The following NBEAL1 variants were observed in gnomAD, a reference collection of about 807,000 sequenced individuals.
The protein encoded by NBEAL1 is neurobeachin like 1, also known as neurobeachin-like protein 1.
A neutral mutation model predicts 351.3 loss-of-function variants in NBEAL1; 273 were observed. The ratio of observed to expected loss-of-function variants is 0.78; its 90% CI spans 0.70 to 0.86. The LOEUF (loss-of-function observed/expected upper bound fraction) is 0.86, where lower values mean the gene tolerates loss of function less well. Among genes scored for constraint, NBEAL1 ranks in the 40% least tolerant of loss-of-function variants. The probability of loss-of-function intolerance (pLI) is 0.00; values close to 1 mark genes in which losing one functional copy is unlikely to be tolerated. For synonymous variants in NBEAL1, 1,050 were observed against 1,086.4 expected, an observed-to-expected ratio of 0.97 and a Z score of 0.66; for missense variants, 2,961 against 3,201.3, an observed-to-expected ratio of 0.92 and a Z score of 1.81.
chr2:203,179,871 T>C (rs1041373629), intron 42 of NBEAL1, among the ~76,000 whole-genome samples: 1 of 152,040 alleles, frequency 6.6e-6, no homozygotes, highest in Non-Finnish European at 1.5e-5. Flanking sequence ...CCTCCCGGGC[T>C]CAAGCAGTTC....
intron 49 of NBEAL1, 129 bp from the exon 50 acceptor site, chr2:203,201,414 A>T: frequency 3.1e-6 from 2 of 639,524 alleles, no homozygotes; most frequent in Non-Finnish European, 4.8e-6. Context: ...ATCGTTTATT[A>T]ATAGACATTT....
intron 18 of NBEAL1, among the ~76,000 whole-genome samples, chr2:203,118,529 A>G (rs931618678): frequency 2.6e-5 from 4 of 152,180 alleles, no homozygotes; most frequent in Non-Finnish European, 4.4e-5. Flanking sequence ...ATAGATAGCT[A>G]AGAAATAATT....
chr2:203,206,063 AAG>A (rs1349528783), intron 51 of NBEAL1, among the ~76,000 whole-genome samples: 2 of 152,254 alleles, frequency 1.3e-5, no homozygotes, highest in Non-Finnish European at 2.9e-5. Context: ...GACATGAAGA[AAG>A]AGTCTTCTGG....
chr2:203,167,163 A>G, intron 37 of NBEAL1, 64 bp from the exon 38 acceptor site: 23 of 1,474,612 alleles, frequency 1.6e-5, no homozygotes, highest in Non-Finnish European at 2.0e-5. Flanking sequence ...ACTAAGAGGT[A>G]TTTTCTACTT....
chr2:203,202,692 G>A lies in NBEAL1; in HGVS notation c.7417G>A (p.Val2473Met). The A allele has an allele frequency of 6.4e-7, 1 of 1,572,170 alleles. No homozygotes were observed. The highest frequency in any genetic ancestry group is 8.8e-7 in the Non-Finnish European group (1 of 1,142,656). The change falls in exon 51 of 56, where the codon GTG (valine) becomes ATG (methionine). Residue 2473 changes from valine (V) to methionine (M), a missense_variant. Physicochemically the swap from Val to Met is conservative, Grantham distance 21. Coordinates refer to ENST00000683969, the MANE Select transcript of NBEAL1 (RefSeq NM_001378026.1). ...TTTAATTCCTTTTCTTACAGATATT[G>A]TGACTTGCTTAGCTACAGATTACTG... ...ISHIIRHMDI[V>M]TCLATDYCGI...
chr2:203,041,556 T>C (rs1426458369), intron 2 of NBEAL1, among the ~76,000 whole-genome samples: 1 of 152,188 alleles, frequency 6.6e-6, no homozygotes, highest in Non-Finnish European at 1.5e-5. Flanking sequence ...TATAGAACAT[T>C]GTTAAGATTT....
At chr2:203,040,404 G>A in intron 2 of NBEAL1, 1 of 712,192 alleles carries the variant, frequency 1.4e-6, no homozygotes. Context: ...TTAATGGCAT[G>A]AGTTTACCGG....
chr2:203,130,783 T>C (rs912191172), intron 25 of NBEAL1, among the ~76,000 whole-genome samples: 4 of 152,180 alleles, frequency 2.6e-5, no homozygotes, highest in Non-Finnish European at 5.9e-5. Flanking sequence ...CTAATAATAA[T>C]AGCAAACTTT....
At chr2:203,119,651 C>T (rs529200808) in intron 18 of NBEAL1, among the ~76,000 whole-genome samples, 1 of 152,118 alleles carries the variant, frequency 6.6e-6, no homozygotes, top group Admixed American at 6.5e-5. Flanking sequence ...GTCTCGAACT[C>T]CTGACCTCAA....
intron 4 of NBEAL1, chr2:203,050,249 GAAA>G (rs1215404965): frequency 4.8e-6 from 1 of 210,250 alleles, no homozygotes; most frequent in Non-Finnish European, 9.4e-6. Flanking sequence ...AAGAAAAAAA[GAAA>G]AAATAAGCTA....
rs559011873 is a variant in NBEAL1, at chr2:203,126,505, A to G, written c.2986-52A>G. 12 of 1,249,904 alleles carry G rather than the reference A, an allele frequency of 9.6e-6. No individual in the cohort carries two copies. The East Asian group carries it at 3.1e-4, about 32-fold the overall frequency. The allele number at this position is 1,249,904 out of a possible 1,614,324, so 77.4% of individuals were successfully genotyped here. A position where few individuals can be genotyped will look rare whatever the true frequency, so the allele number is the denominator to read the frequency against. ...ATTAATGATTTAAAATTATAACTTA[A>G]TGACAGTTATTTAAACTGAACTATA... is the stretch of plus-strand genomic sequence containing the variant. On this transcript the variant is annotated intron_variant, in intron 21 of 55. Transcript: ENST00000683969.
At chr2:203,118,173 C>A (rs2062742610) in intron 18 of NBEAL1, among the ~76,000 whole-genome samples, 1 of 152,180 alleles carries the variant, frequency 6.6e-6, no homozygotes, top group Non-Finnish European at 1.5e-5. Context: ...TACTTGCTGA[C>A]TTTTGTCTCA....
At chr2:203,091,943 T>G (rs2062072962) in intron 10 of NBEAL1, among the ~76,000 whole-genome samples, 1 of 152,220 alleles carries the variant, frequency 6.6e-6, no homozygotes, top group Non-Finnish European at 1.5e-5. Context: ...TATTTTCATG[T>G]GCCATAATTT....
chr2:203,169,405 A>C (rs1282269275), intron 38 of NBEAL1, among the ~76,000 whole-genome samples: 1 of 150,792 alleles, frequency 6.6e-6, no homozygotes, highest in Middle Eastern at 3.4e-3. Flanking sequence ...AAAAAAAAAA[A>C]AAAAAACCAC....
intron 55 of NBEAL1, among the ~76,000 whole-genome samples, chr2:203,214,411 T>A (rs1424068483): frequency 1.3e-5 from 2 of 152,240 alleles, no homozygotes; most frequent in African/African-American, 2.4e-5. Context: ...TTTATAAATA[T>A]TTGAAACTTC....
chr2:203,107,773 A>G lies in NBEAL1; in HGVS notation c.1534A>G (p.Thr512Ala), dbSNP rs370835026. Residue 512 changes from threonine to alanine, a missense_variant, in exon 14 of 56, where the codon ACT (threonine) becomes GCT (alanine). Physicochemically the swap from Thr to Ala is moderately conservative, Grantham distance 58. Transcript: ENST00000683969. ...TTGTATTAATAGACAGAGTCGAACT[A>G]CTTGTGTCAATGCAAACATGGGGAT... ...ICCINRQSRT[T>A]CVNANMGIRI... The G allele has an allele frequency of 1.7e-4, 271 of 1,554,336 alleles. No individual in the cohort carries two copies. The African/African-American group carries it at 3.5e-3, about 20-fold the overall frequency.
intron 6 of NBEAL1, among the ~76,000 whole-genome samples, chr2:203,059,744 T>C (rs2061465799): frequency 6.6e-6 from 1 of 152,208 alleles, no homozygotes; most frequent in Non-Finnish European, 1.5e-5. Context: ...GGGAGCCGGA[T>C]GTGATGGCTC....
At position 203,199,443 on chromosome 2, in the gene NBEAL1, C is replaced by G; in HGVS notation, c.7234C>G (p.Pro2412Ala). The G allele has an allele frequency of 6.5e-7, 1 of 1,544,928 alleles. No homozygotes were observed. The highest frequency in any genetic ancestry group is 8.9e-7 in the Non-Finnish European group (1 of 1,120,040). Residue 2412 changes from proline (P) to alanine (A), a missense_variant, in exon 49 of 56, where the codon CCA becomes GCA. Transcript: ENST00000683969. ...CATCAAGGATCAAACTGTGACAAAT[C>G]CAAAGTAAGTAAATGAATATGTAAA... ...TFIKDQTVTN[P>A]KTQRSINGSF...
chr2:203,180,394 A>G lies in NBEAL1; in HGVS notation c.6477A>G (p.Ala2159=). The change falls in exon 43 of 56, where the codon GCA becomes GCG. Residue 2159 remains alanine, a synonymous_variant. Transcript: ENST00000683969. ...TTTCTACATGCAGGTTTGACTGTGC[A>G]GATCGACAGTTCCATTCTATTCCTG... ...IQLQSGRFDC[A]DRQFHSIPAT... is the part of the protein sequence containing the mutation. 6.2e-7 allele frequency: 1 copy of G among 1,610,494 alleles called. No individual in the cohort carries two copies. Among genetic ancestry groups the G allele is most frequent in the Non-Finnish European group, 8.5e-7 (1 of 1,178,856 alleles).
Sources: gnomAD v4.1 joint callset for allele counts (sites outside exome capture counted in the v4.1 genomes callset) on GRCh38, gnomAD v4.1.1 for gene constraint, MANE v1.5 for transcripts, NCBI Gene and HGNC (gene_info 2026-07-23, HGNC 2026-07-21) for gene names.